Variants in SIK2 observed in about 807,000 individuals in gnomAD.
SIK2 encodes serine/threonine-protein kinase SIK2.
In SIK2, 29 loss-of-function variants were observed where a neutral mutation model predicts 103.2. The ratio of observed to expected loss-of-function variants is 0.28; its 90% CI spans 0.21 to 0.38. SIK2 has a LOEUF of 0.38. SIK2 is among the 10% of genes least tolerant of loss of function. The pLI, the probability that SIK2 is intolerant of heterozygous loss-of-function variation, is 1.00. For missense variants in SIK2, 879 were observed against 1,171.0 expected (o/e 0.75, Z 3.64); for synonymous variants, 412 against 446.1 (o/e 0.92, Z 0.96).
intron 3 of SIK2, among the ~76,000 whole-genome samples, chr11:111,683,715 G>A (rs1313215288): frequency 1.3e-5 from 2 of 152,198 alleles, no homozygotes; most frequent in Non-Finnish European, 2.9e-5. Context: ...GCCTCCCAAA[G>A]TGCTGGGATT....
intron 2 of SIK2, among the ~76,000 whole-genome samples, chr11:111,616,994 C>G (rs1941815514): frequency 6.6e-6 from 1 of 152,034 alleles, no homozygotes; most frequent in African/African-American, 2.4e-5. Context: ...CAGTGACATA[C>G]TTTGTCATAC....
At chr11:111,702,566 C>T (rs1051328938) in intron 6 of SIK2, among the ~76,000 whole-genome samples, 1 of 152,190 alleles carries the variant, frequency 6.6e-6, no homozygotes, top group Admixed American at 6.5e-5. Flanking sequence ...GAGACCCTGT[C>T]TCCAATAATA....
At chr11:111,719,066 C>A (rs1335823358) in intron 9 of SIK2, among the ~76,000 whole-genome samples, 1 of 152,174 alleles carries the variant, frequency 6.6e-6, no homozygotes, top group Admixed American at 6.5e-5. Context: ...CTGGAGGAGA[C>A]AAAATTCAGT....
chr11:111,715,777 C>A (rs970601385), intron 9 of SIK2, among the ~76,000 whole-genome samples: 1 of 143,350 alleles, frequency 7.0e-6, no homozygotes, highest in Non-Finnish European at 1.5e-5. Context: ...TACACGCACA[C>A]TTGAGTCATT....
At chr11:111,633,733 G>C (rs1036653095) in intron 3 of SIK2, among the ~76,000 whole-genome samples, 3 of 152,088 alleles carry the variant, frequency 2.0e-5, no homozygotes, top group Non-Finnish European at 4.4e-5. Flanking sequence ...TGGTAAATAA[G>C]AACATATGCA....
chr11:111,661,527 A>T (rs1159123656), intron 3 of SIK2, among the ~76,000 whole-genome samples: 2 of 152,270 alleles, frequency 1.3e-5, no homozygotes, highest in African/African-American at 4.8e-5. Flanking sequence ...TGTAGTCACA[A>T]ATACCATAGT....
intron 1 of SIK2, among the ~76,000 whole-genome samples, chr11:111,606,449 A>G (rs1298883988): frequency 6.6e-6 from 1 of 152,038 alleles, no homozygotes; most frequent in Non-Finnish European, 1.5e-5. Context: ...CACATGGTAC[A>G]TATATATAAA....
intron 7 of SIK2, 115 bp from the exon 8 acceptor site, chr11:111,704,872 T>G: frequency 5.5e-6 from 7 of 1,262,410 alleles, no homozygotes; most frequent in Non-Finnish European, 7.5e-6. Flanking sequence ...GACACTTTGT[T>G]TTTCACCCTA....
rs139297929 is a variant in SIK2 at position 111,659,612 on chromosome 11, G to A, written c.317-28389G>A. On this transcript the variant is annotated intron_variant, in intron 3 of 14. Transcript: ENST00000304987. ...TTATTCCTTTTACAATGGCTCAAAC[G>A]CATTCTCCATTTTTTAAAGCTCTTT... Among the ~76,000 whole-genome samples, 1,363 of 150,246 alleles carry A rather than the reference G, an allele frequency of 9.1e-3. 64 individuals carry two copies. The highest frequency in any genetic ancestry group is 0.066 in the Admixed American group (1,008 of 15,206).
chr11:111,649,429 T>C (rs957451592), intron 3 of SIK2, among the ~76,000 whole-genome samples: 3 of 152,144 alleles, frequency 2.0e-5, no homozygotes, highest in Non-Finnish European at 1.5e-5. Context: ...TACTTGAATA[T>C]AGTATAAAGT....
rs971196470 is a variant in SIK2 at position 111,707,009 on chromosome 11, G to A, written c.1101+1870G>A. Among the ~76,000 whole-genome samples, 3 of 149,968 alleles carry A rather than the reference G, an allele frequency of 2.0e-5. No individual in the cohort carries two copies. The East Asian group carries it at 5.9e-4, about 30-fold the overall frequency. ...TTGATACAGATGTAAGTAAAATAATGTGTCCATATAGTTCCAGACACTTGA... is the reference window on the plus strand; with the variant it reads ...TTGATACAGATGTAAGTAAAATAATATGTCCATATAGTTCCAGACACTTGA... On this transcript the variant is annotated intron_variant, in intron 8 of 14. Transcript: ENST00000304987.
At chr11:111,624,012 G>A (rs1452687068) in intron 3 of SIK2, among the ~76,000 whole-genome samples, 1 of 152,144 alleles carries the variant, frequency 6.6e-6, no homozygotes, top group Non-Finnish European at 1.5e-5. Flanking sequence ...ACTTTCCTTT[G>A]CCTGATGTCC....
intron 3 of SIK2, among the ~76,000 whole-genome samples, chr11:111,661,087 C>T (rs566307245): frequency 3.3e-5 from 5 of 151,854 alleles, no homozygotes; most frequent in African/African-American, 1.2e-4. Context: ...GCATACCAGT[C>T]GAGATGAATC....
In SIK2 at chr11:111,722,745, G is replaced by A; in HGVS notation, c.2136G>A (p.Leu712=). 6.2e-7 allele frequency: 1 copy of A among 1,614,064 alleles called. No homozygotes were observed. Among genetic ancestry groups the A allele is most frequent in the Non-Finnish European group, 8.5e-7 (1 of 1,179,944 alleles). The stretch of plus-strand genomic sequence containing the variant: ...CACCGCGGAGCCTTGAGCAGCAGCT[G>A]CAGGAACATAGGTGAGAAGGGGACT... ...KEPPRSLEQQ[L]QEHRLQQKRL... is the part of the protein sequence containing the mutation. The change falls in exon 14 of 15, where the codon CTG becomes CTA. Residue 712 remains leucine, a synonymous_variant. Transcript: ENST00000304987. This position sits in a 1 kb window ranked among gnomAD's most constrained non-coding sequence, Gnocchi z 4.4.
In SIK2 at chr11:111,722,897, G is replaced by A. The variant is rs923645977; in HGVS notation, c.2147+141G>A. The A allele has an allele frequency of 1.2e-5, 8 of 694,692 alleles. No individual in the cohort carries two copies. The highest frequency in any genetic ancestry group is 5.5e-5 in the East Asian group (2 of 36,246). 43.0% of individuals were successfully genotyped at this position (694,692 alleles called of 1,614,324 possible). A position where few individuals can be genotyped will look rare whatever the true frequency, so the allele number is the denominator to read the frequency against. On this transcript the variant is annotated intron_variant, in intron 14 of 14. Coordinates refer to ENST00000304987, the MANE Select transcript of SIK2 (RefSeq NM_015191.3). The surrounding 1 kb of genome is among the most constrained non-coding windows in gnomAD (Gnocchi z 4.4). ...CGTGTGTCACAGGCCCTCTGAGCAC[G>A]ATTACTAAGAGGATATCTCAGTATC... is the stretch of plus-strand genomic sequence containing the variant.
intron 1 of SIK2, among the ~76,000 whole-genome samples, chr11:111,603,709 A>G (rs2135825672): frequency 6.6e-6 from 1 of 152,212 alleles, no homozygotes; most frequent in East Asian, 1.9e-4. Flanking sequence ...ATTCTTTAGA[A>G]TAAAACCTAG....
At chr11:111,677,648 C>T (rs1367369610) in intron 3 of SIK2, among the ~76,000 whole-genome samples, 3 of 135,698 alleles carry the variant, frequency 2.2e-5, no homozygotes, top group South Asian at 2.3e-4. Flanking sequence ...AGGCTAGTCT[C>T]GAACCCCTGA....
Position 111,688,194 on chromosome 11 carries a change from C to T in SIK2, c.478+32C>T. 6.2e-7 allele frequency: 1 copy of T among 1,611,578 alleles called. No individual in the cohort carries two copies. On this transcript the variant is annotated intron_variant, in intron 4 of 14. Coordinates refer to ENST00000304987, the MANE Select transcript of SIK2 (RefSeq NM_015191.3). The surrounding 1 kb of genome is among the most constrained non-coding windows in gnomAD (Gnocchi z 4.2). Reference sequence around the variant, plus strand: ...GGGACACAACTGGCTCTAATAAGATCCGAAGTGAGCCACTGCACTCAGTGT... The same window carrying T: ...GGGACACAACTGGCTCTAATAAGATTCGAAGTGAGCCACTGCACTCAGTGT...
rs57641391 is a variant in SIK2, at chr11:111,666,943, T to TTTTATTTATTTA, written c.317-21027_317-21016dup. 1.3e-3 allele frequency among the ~76,000 whole-genome samples: 194 copies of TTTTATTTATTTA among 145,464 alleles called. 1 individual carries two copies. The highest frequency in any genetic ancestry group is 4.7e-3 in the African/African-American group (185 of 39,126). On this transcript the variant is annotated intron_variant, in intron 3 of 14. Coordinates refer to ENST00000304987, the MANE Select transcript of SIK2 (RefSeq NM_015191.3). ...TGTAGTCATTATCTTTTTTATTTTA[T>TTTTATTTATTTA]TTTATTTATTTATTTATTTATTTAT...
Sources: allele counts gnomAD v4.1 joint callset (sites outside exome capture counted in the v4.1 genomes callset), GRCh38; gene constraint gnomAD v4.1.1; non-coding constraint Gnocchi (gnomAD v3.1); transcripts MANE v1.5; gene names NCBI Gene and HGNC (gene_info 2026-07-23, HGNC 2026-07-21).